Variants in ESR2 observed in about 807,000 individuals in gnomAD.
The protein encoded by ESR2 is estrogen receptor beta.
In ESR2, 36 loss-of-function variants were observed where a neutral mutation model predicts 49.6. That is an observed-to-expected ratio of 0.73 (90% confidence interval 0.56 to 0.96). The LOEUF is 0.96. Among genes scored for constraint, ESR2 ranks in the 40% least tolerant of loss-of-function variants. The probability of loss-of-function intolerance (pLI) is 0.00; values close to 1 mark genes in which losing one functional copy is unlikely to be tolerated. For synonymous variants in ESR2, 320 were observed against 266.1 expected (o/e 1.20, Z -1.97); for missense variants, 714 against 693.0 (o/e 1.03, Z -0.34).
chr14:64,290,692 C>G (rs1156564705), intron 1 of ESR2, among the ~76,000 whole-genome samples: 2 of 152,134 alleles, frequency 1.3e-5, no homozygotes, highest in Non-Finnish European at 1.5e-5. Context: ...CGTGAGCCAC[C>G]ACACCCAGCC....
intron 5 of ESR2, among the ~76,000 whole-genome samples, chr14:64,259,129 TC>T (rs2076161158): frequency 6.6e-6 from 1 of 152,210 alleles, no homozygotes; most frequent in African/African-American, 2.4e-5. Context: ...GGAAAGTGCA[TC>T]AGTATTGCCT....
At chr14:64,240,926 CGAGATCAG>C (rs1238253861) in intron 7 of ESR2, among the ~76,000 whole-genome samples, 1 of 151,826 alleles carries the variant, frequency 6.6e-6, no homozygotes, top group African/African-American at 2.4e-5. Context: ...GGGCGGATCA[CGAGATCAG>C]GAGATCGAGA....
At position 64,265,841 on chromosome 14, in the gene ESR2, G is replaced by C. The variant is rs139146472; in HGVS notation, c.652+2954C>G. Among the ~76,000 whole-genome samples the C allele has an allele frequency of 1.2e-4, 18 of 152,262 alleles. 1 individual carries two copies. In the East Asian group the frequency reaches 3.5e-3, roughly 29 times the overall value. On this transcript the variant is annotated intron_variant, in intron 4 of 8. Coordinates refer to ENST00000341099, the MANE Select transcript of ESR2 (RefSeq NM_001437.3). The stretch of plus-strand genomic sequence containing the variant: ...GGTTTCAAAATAAAAGAAGCAGGAT[G>C]GTGCAGGAGGATCCAACAAGCAGGT...
rs2076710145 is a variant in ESR2 at position 64,282,925 on chromosome 14, A to T, written c.61T>A (p.Ser21Thr). ...GAGCCGTGCTCCAGGGGTAAGATGGATTGACTGCAGTTGTAGGAGGAAGGA... is the reference window on the plus strand; with the variant it reads ...GAGCCGTGCTCCAGGGGTAAGATGGTTTGACTGCAGTTGTAGGAGGAAGGA... The part of the protein sequence containing the change: ...NSPSSYNCSQ[S>T]ILPLEHGSIY... Residue 21 changes from serine to threonine, a missense_variant, in exon 2 of 9, where the codon TCC becomes ACC. Ser to Thr is a moderately conservative substitution (Grantham distance 58). Transcript: ENST00000341099. The T allele has an allele frequency of 6.2e-7, 1 of 1,614,112 alleles. No individual in the cohort carries two copies. Among genetic ancestry groups the T allele is most frequent in the Non-Finnish European group, 8.5e-7 (1 of 1,179,962 alleles).
intron 2 of ESR2, among the ~76,000 whole-genome samples, chr14:64,281,596 T>C (rs1200794072): frequency 6.6e-6 from 1 of 152,238 alleles, no homozygotes; most frequent in African/African-American, 2.4e-5. Context: ...AAGTAGTGAA[T>C]TTCAATATCC....
intron 1 of ESR2, among the ~76,000 whole-genome samples, chr14:64,323,891 C>T (rs2140898418): frequency 6.6e-6 from 1 of 152,248 alleles, no homozygotes; most frequent in South Asian, 2.1e-4. Flanking sequence ...AGGGTTTCTC[C>T]ATGTTGGCCA....
At chr14:64,257,460 A>T in intron 5 of ESR2, 96 bp from the exon 6 acceptor site, 1 of 1,437,478 alleles carries the variant, frequency 7.0e-7, no homozygotes, top group East Asian at 2.3e-5. Flanking sequence ...ACACTAAGAA[A>T]ACACAAACCA....
In ESR2 at chr14:64,294,217, G is replaced by A. The variant is rs1254747373; in HGVS notation, c.-275C>T. 6.6e-6 allele frequency: 1 copy of A among 152,260 alleles called. No homozygotes were observed. Among genetic ancestry groups the A allele is most frequent in the East Asian group, 1.9e-4 (1 of 5,186 alleles). The allele number at this position is 152,260 out of a possible 1,614,324, so 9.4% of individuals were successfully genotyped here. On this transcript the variant is annotated 5_prime_UTR_variant, in exon 1 of 9. Coordinates refer to ENST00000341099, the MANE Select transcript of ESR2 (RefSeq NM_001437.3). Reference sequence around the variant, plus strand: ...CCCCAGAGCCCGTCGCAGCTCGGGTGGTCCCTCCCCGGCCCAGCGCTCGCC... The same window carrying A: ...CCCCAGAGCCCGTCGCAGCTCGGGTAGTCCCTCCCCGGCCCAGCGCTCGCC...
At chr14:64,273,940 C>CTT (rs58123995) in intron 3 of ESR2, among the ~76,000 whole-genome samples, 14,813 of 134,466 alleles carry the variant, frequency 0.11, 1,007 homozygotes, top group African/African-American at 0.15. Flanking sequence ...TGCTGAGAGA[C>CTT]TTTTTTTTTT....
intron 1 of ESR2, among the ~76,000 whole-genome samples, chr14:64,328,051 C>CAAAAAAAAAAA (rs748229456): frequency 2.3e-5 from 2 of 87,082 alleles, no homozygotes; most frequent in Admixed American, 1.3e-4. Context: ...ACTAAAAATA[C>CAAAAAAAAAAA]AAAAAAAAAA....
intron 7 of ESR2, 119 bp from the exon 8 acceptor site, chr14:64,235,269 T>C: frequency 1.0e-6 from 1 of 1,000,568 alleles, no homozygotes; most frequent in Non-Finnish European, 1.5e-6. Context: ...GCTGCATGTG[T>C]GGCAGGAGCT....
intron 7 of ESR2, among the ~76,000 whole-genome samples, chr14:64,241,160 A>AG: frequency 6.6e-6 from 1 of 151,802 alleles, no homozygotes; most frequent in Non-Finnish European, 1.5e-5. Flanking sequence ...AAAAAAAAAA[A>AG]AAAAAAAAAA....
rs1216929113 is a variant in ESR2 at position 64,282,959 on chromosome 14, G to A, written c.27C>T (p.Ser9=). 1 of 1,613,202 alleles carries A rather than the reference G, an allele frequency of 6.2e-7. No individual in the cohort carries two copies. The highest frequency in any genetic ancestry group is 8.5e-7 in the Non-Finnish European group (1 of 1,179,378). MDIKNSPS[S]LNSPSSYNCS... is the part of the protein sequence containing the mutation. The stretch of plus-strand genomic sequence containing the variant: ...AGTTGTAGGAGGAAGGAGAATTAAG[G>A]CTAGATGGTGAGTTTTTTATATCCA... The change falls in exon 2 of 9, where the codon AGC becomes AGT. Residue 9 remains serine (S), a synonymous_variant. Transcript: ENST00000341099.
intron 4 of ESR2, among the ~76,000 whole-genome samples, chr14:64,261,232 C>CTTTTCT (rs2076215066): frequency 1.1e-5 from 1 of 88,682 alleles, no homozygotes; most frequent in Non-Finnish European, 2.1e-5. Flanking sequence ...TTTTATTTTT[C>CTTTTCT]TTTTTTCTTT....
At chr14:64,308,194 T>C (rs1286036744) in intron 1 of ESR2, among the ~76,000 whole-genome samples, 1 of 152,056 alleles carries the variant, frequency 6.6e-6, no homozygotes, top group East Asian at 1.9e-4. Context: ...TTTGTATTTT[T>C]TGTAGAGAGG....
intron 1 of ESR2, among the ~76,000 whole-genome samples, chr14:64,318,103 A>G (rs949962285): frequency 6.6e-6 from 1 of 152,236 alleles, no homozygotes; most frequent in African/African-American, 2.4e-5. Flanking sequence ...GAGAATCCCA[A>G]AGAATTGACT....
At chr14:64,272,555 T>A (rs1304568664) in intron 3 of ESR2, among the ~76,000 whole-genome samples, 1 of 152,240 alleles carries the variant, frequency 6.6e-6, no homozygotes, top group Non-Finnish European at 1.5e-5. Context: ...CACTGATCCA[T>A]CTGGACTTGA....
chr14:64,242,558 G>A (rs555007613), intron 7 of ESR2, among the ~76,000 whole-genome samples: 1 of 151,074 alleles, frequency 6.6e-6, no homozygotes. Context: ...CAAAAATTCT[G>A]CTTGTTCATG....
chr14:64,305,427 T>C lies in ESR2; in HGVS notation c.-90-22352A>G, dbSNP rs954215034. 2.2e-4 allele frequency among the ~76,000 whole-genome samples: 33 copies of C among 152,024 alleles called. 1 individual carries two copies. The highest frequency in any genetic ancestry group is 7.7e-4 in the African/African-American group (32 of 41,508). On this transcript the variant is annotated intron_variant, in intron 1 of 8. Transcript: ENST00000358599. ...GGCTCACGCCTGTAATCCCAGCACT[T>C]TGGGAGGCCAAGGCGGGCGGATCAC...
Sources: gnomAD v4.1 joint callset for allele counts (sites outside exome capture counted in the v4.1 genomes callset) on GRCh38, gnomAD v4.1.1 for gene constraint, MANE v1.5 for transcripts, NCBI Gene and HGNC (gene_info 2026-07-23, HGNC 2026-07-21) for gene names.